Variants in DYM observed in about 807,000 individuals in gnomAD.
DYM encodes dymeclin.
Under a neutral mutation model 93.1 loss-of-function variants are expected in DYM, and 78 were observed. The ratio of observed to expected loss-of-function variants is 0.84; its 90% confidence interval spans 0.70 to 1.01. The LOEUF is 1.01. Ranked by LOEUF, DYM falls within the 50% of genes least tolerant of loss-of-function variation. The pLI is 0.00. For missense variants in DYM, 789 were observed against 845.0 expected (o/e 0.93, Z 0.82); for synonymous variants, 321 against 319.7 (o/e 1.00, Z -0.04).
At chr18:49,223,167 C>A (rs2093423922) in intron 13 of DYM, among the ~76,000 whole-genome samples, 2 of 152,054 alleles carry the variant, frequency 1.3e-5, no homozygotes, top group Non-Finnish European at 2.9e-5. Flanking sequence ...ACAAACAAAT[C>A]TGAAATGTGA....
At chr18:49,332,224 A>T (rs918664594) in intron 7 of DYM, among the ~76,000 whole-genome samples, 1 of 152,164 alleles carries the variant, frequency 6.6e-6, no homozygotes, top group African/African-American at 2.4e-5. Context: ...ATCACATCAT[A>T]AGATATTGAT....
intron 8 of DYM, among the ~76,000 whole-genome samples, chr18:49,287,394 A>G (rs555848556): frequency 1.3e-3 from 195 of 151,364 alleles, no homozygotes; most frequent in African/African-American, 3.8e-3. Flanking sequence ...AAATTCTTAC[A>G]AACTAGAAAG....
At chr18:49,047,755 T>C (rs932392510) in intron 17 of DYM, among the ~76,000 whole-genome samples, 1 of 152,036 alleles carries the variant, frequency 6.6e-6, no homozygotes, top group African/African-American at 2.4e-5. Context: ...TAGAGGGAAG[T>C]CTTTGTCATG....
At chr18:49,253,191 A>G (rs983396929) in intron 13 of DYM, among the ~76,000 whole-genome samples, 2 of 152,226 alleles carry the variant, frequency 1.3e-5, no homozygotes, top group Admixed American at 6.5e-5. Flanking sequence ...ACTGACAAAT[A>G]TAAAATTGTG....
chr18:49,124,010 A>G (rs2082604226), intron 15 of DYM, among the ~76,000 whole-genome samples: 1 of 152,228 alleles, frequency 6.6e-6, no homozygotes, highest in Non-Finnish European at 1.5e-5. Context: ...GATATATGAA[A>G]CTTATACTTC....
At chr18:49,286,374 A>T in intron 9 of DYM, 60 bp downstream of exon 9, 1 of 1,569,288 alleles carries the variant, frequency 6.4e-7, no homozygotes, top group South Asian at 1.1e-5. Context: ...ACAATAAACA[A>T]TATAGAACAA....
intron 5 of DYM, among the ~76,000 whole-genome samples, chr18:49,376,020 C>T (rs893667808): frequency 1.2e-4 from 19 of 152,128 alleles, no homozygotes; most frequent in Non-Finnish European, 1.5e-4. Context: ...CTGAAGGCTG[C>T]ACTGTCAGCC....
At chr18:49,441,813 G>A (rs2081655505) in intron 1 of DYM, among the ~76,000 whole-genome samples, 1 of 151,998 alleles carries the variant, frequency 6.6e-6, no homozygotes, top group Non-Finnish European at 1.5e-5. Context: ...GGGAAGACGG[G>A]GCAAGGTGCA....
At chr18:49,196,486 C>T (rs2091462085) in intron 14 of DYM, among the ~76,000 whole-genome samples, 1 of 151,796 alleles carries the variant, frequency 6.6e-6, no homozygotes, top group South Asian at 2.1e-4. Context: ...CCTTATGGAA[C>T]TAATGATCTA....
chr18:49,239,455 C>T (rs2093961512), intron 13 of DYM, among the ~76,000 whole-genome samples: 2 of 152,210 alleles, frequency 1.3e-5, no homozygotes, highest in African/African-American at 2.4e-5. Context: ...AGCACTTATG[C>T]CCTTCTGTGG....
chr18:49,105,387 T>G lies in DYM; in HGVS notation c.1912-7872A>C, dbSNP rs1179120146. On this transcript the variant is annotated intron_variant, in intron 16 of 17. Coordinates refer to ENST00000675505, the MANE Select transcript of DYM (RefSeq NM_001353214.3). Reference sequence around the variant, plus strand: ...CTGGATTCATTGATTTTTTGAAGGGTTTTTTGTGTCTCTATCTCCTTCAGT... The same window carrying G: ...CTGGATTCATTGATTTTTTGAAGGGGTTTTTGTGTCTCTATCTCCTTCAGT... Among the ~76,000 whole-genome samples the G allele has an allele frequency of 4.6e-5, 7 of 152,298 alleles. No individual in the cohort carries two copies. The East Asian group carries it at 7.7e-4, about 17-fold the overall frequency.
chr18:49,386,548 C>T (rs137964795), intron 3 of DYM, among the ~76,000 whole-genome samples: 38 of 152,174 alleles, frequency 2.5e-4, no homozygotes, highest in Middle Eastern at 6.8e-3. Context: ...AATTGAGGAA[C>T]GTTTTGGAAA....
intron 17 of DYM, among the ~76,000 whole-genome samples, chr18:49,076,032 T>C (rs992682821): frequency 6.7e-4 from 102 of 152,356 alleles, no homozygotes; most frequent in African/African-American, 2.4e-3. Flanking sequence ...AGGGGCACCC[T>C]GTTACTGTAC....
chr18:49,306,428 T>C (rs1269138214), intron 8 of DYM, among the ~76,000 whole-genome samples: 1 of 152,192 alleles, frequency 6.6e-6, no homozygotes, highest in Non-Finnish European at 1.5e-5. Context: ...AATCACATAT[T>C]ATCCCGCTTC....
intron 15 of DYM, among the ~76,000 whole-genome samples, chr18:49,134,999 T>G (rs1317410279): frequency 6.6e-6 from 1 of 151,970 alleles, no homozygotes; most frequent in Non-Finnish European, 1.5e-5. Flanking sequence ...TCCCAGCTAC[T>G]CGGGAGGCTG....
intron 17 of DYM, among the ~76,000 whole-genome samples, chr18:49,045,507 T>C (rs1367925475): frequency 1.3e-5 from 2 of 152,224 alleles, no homozygotes; most frequent in Non-Finnish European, 2.9e-5. Context: ...TCATTCTTCA[T>C]TCTACTGACT....
chr18:49,189,712 A>C (rs1381891793), intron 14 of DYM, among the ~76,000 whole-genome samples: 1 of 152,208 alleles, frequency 6.6e-6, no homozygotes, highest in East Asian at 1.9e-4. Context: ...TACTGTATAT[A>C]GAGTCAATGC....
intron 1 of DYM, among the ~76,000 whole-genome samples, chr18:49,446,615 GC>G (rs143330919): frequency 2.6e-4 from 40 of 152,298 alleles, no homozygotes; most frequent in Non-Finnish European, 5.3e-4. Context: ...TTTCCTGAGT[GC>G]CCACTATGTG....
Position 49,307,020 on chromosome 18 carries a change from C to T in DYM, c.764-20404G>A, listed in dbSNP as rs562979396. The stretch of plus-strand genomic sequence containing the variant: ...TATGAAGTTCTGATAATCACTGGTA[C>T]GCAGAAAGGGAGAAGTATAATATAT... On this transcript the variant is annotated intron_variant, in intron 8 of 17. Coordinates refer to ENST00000675505, the MANE Select transcript of DYM (RefSeq NM_001353214.3). Among the ~76,000 whole-genome samples the T allele has an allele frequency of 1.0e-3, 153 of 152,058 alleles. 2 individuals carry two copies. The highest frequency in any genetic ancestry group is 2.7e-3 in the African/African-American group (111 of 41,494).
Sources: gnomAD v4.1 joint callset for allele counts (sites outside exome capture counted in the v4.1 genomes callset) on GRCh38, gnomAD v4.1.1 for gene constraint, MANE v1.5 for transcripts, NCBI Gene and HGNC (gene_info 2026-07-23, HGNC 2026-07-21) for gene names.